The following PDE4A variants were observed in gnomAD, a reference collection of about 807,000 sequenced individuals.
PDE4A encodes the protein 3',5'-cyclic-AMP phosphodiesterase 4A.
PDE4A carries 21 observed loss-of-function variants against 73.9 expected under a neutral mutation model. The observed-to-expected ratio is 0.28, with a 90% CI of 0.20 to 0.41. The LOEUF is 0.41. Among genes scored for constraint, PDE4A ranks in the 10% least tolerant of loss-of-function variants. The pLI is 1.00. For missense variants in PDE4A, 958 were observed against 1,211.4 expected (o/e 0.79, Z 3.10); for synonymous variants, 463 against 505.4 (o/e 0.92, Z 1.13).
chr19:10,463,052 T>C lies in PDE4A; in HGVS notation c.1744-741T>C, dbSNP rs2043300587. 2.6e-5 allele frequency among the ~76,000 whole-genome samples: 4 copies of C among 152,002 alleles called. 1 individual carries two copies. In the South Asian group the frequency reaches 8.3e-4, roughly 32 times the overall value. On this transcript the variant is annotated intron_variant, in intron 13 of 14. Coordinates refer to ENST00000380702, the MANE Select transcript of PDE4A (RefSeq NM_001111307.2). ...TCCTTTCCTTTCCTGTCCTGTCCTG[T>C]CCTGTCCTTTCCTTTCCTTCTTCTT...
At chr19:10,429,513 T>A (rs1378390017) in intron 1 of PDE4A, among the ~76,000 whole-genome samples, 3 of 152,112 alleles carry the variant, frequency 2.0e-5, no homozygotes, top group African/African-American at 7.2e-5. Flanking sequence ...ATTTTTGTCA[T>A]CTTTTGTAGA....
intron 14 of PDE4A, among the ~76,000 whole-genome samples, chr19:10,466,081 C>A (rs1258724295): frequency 1.3e-5 from 2 of 150,120 alleles, no homozygotes; most frequent in Non-Finnish European, 3.0e-5. Flanking sequence ...CGGCTCACTG[C>A]AACTTCCACC....
intron 13 of PDE4A, among the ~76,000 whole-genome samples, chr19:10,463,512 C>T (rs1349573278): frequency 1.3e-5 from 2 of 151,320 alleles, no homozygotes; most frequent in Non-Finnish European, 2.9e-5. Flanking sequence ...AGCAATTCTC[C>T]TGCCTCAGCC....
At chr19:10,417,461 G>T, upstream of PDE4A, 3 of 981,278 alleles carry the variant, frequency 3.1e-6, no homozygotes, top group Admixed American at 6.1e-5. Flanking sequence ...AAAAATTATG[G>T]CTGAGAAGGG....
Position 10,463,810 on chromosome 19 carries a change from G to C in PDE4A, c.1761G>C (p.Val587=), listed in dbSNP as rs1029047191. 1.2e-6 allele frequency: 2 copies of C among 1,614,028 alleles called. No homozygotes were observed. The highest frequency in any genetic ancestry group is 2.7e-5 in the African/African-American group (2 of 74,914). ...CCATGCAGGTCCTCCGGAACATGGT[G>C]CACTGTGCCGACCTCAGCAACCCCA... ...SDRIQVLRNM[V]HCADLSNPTK... is the part of the protein sequence containing the mutation. The change falls in exon 14 of 15, where the codon GTG becomes GTC. Residue 587 remains valine, a synonymous_variant. Transcript: ENST00000380702.
chr19:10,450,002 G>A (rs1199147245), intron 4 of PDE4A, among the ~76,000 whole-genome samples: 1 of 152,190 alleles, frequency 6.6e-6, no homozygotes. Context: ...GGCTAAGGCA[G>A]GAGGATAGTT....
intron 7 of PDE4A, 43 bp from the exon 8 acceptor site, chr19:10,457,836 G>A (rs1364000705): frequency 6.2e-7 from 1 of 1,609,134 alleles, no homozygotes; most frequent in Non-Finnish European, 8.5e-7. Context: ...CTCCAGGGGT[G>A]GAAGGGTTGT....
At chr19:10,425,038 A>G (rs561434999) in intron 1 of PDE4A, among the ~76,000 whole-genome samples, 1 of 152,336 alleles carries the variant, frequency 6.6e-6, no homozygotes, top group Admixed American at 6.5e-5. Flanking sequence ...ATCCTGGCCA[A>G]CATGGTGAAA....
intron 1 of PDE4A, chr19:10,430,804 C>G: frequency 8.3e-6 from 7 of 840,866 alleles, no homozygotes; most frequent in Non-Finnish European, 1.0e-5. Flanking sequence ...GTGGGCGGCG[C>G]AGCTCCCCAG....
chr19:10,417,734 C>G (rs1413191690), upstream of PDE4A: 2 of 1,588,296 alleles, frequency 1.3e-6, no homozygotes, highest in Non-Finnish European at 1.7e-6. Flanking sequence ...GCCGCCGCCT[C>G]TCGTCCGGTC....
At chr19:10,455,045 G>A in intron 7 of PDE4A, 123 bp downstream of exon 7, 2 of 886,042 alleles carry the variant, frequency 2.3e-6, no homozygotes, top group Non-Finnish European at 3.6e-6. Context: ...CTCCCCAAAG[G>A]TCACAGTCAC....
At chr19:10,433,041 A>G (rs993192930) in intron 1 of PDE4A, among the ~76,000 whole-genome samples, 3 of 152,108 alleles carry the variant, frequency 2.0e-5, no homozygotes, top group Non-Finnish European at 2.9e-5. Flanking sequence ...TCTGGGTCTC[A>G]TGGAGGGTGT....
chr19:10,438,603 T>TTTTG (rs1201392592), intron 1 of PDE4A, among the ~76,000 whole-genome samples: 1 of 152,112 alleles, frequency 6.6e-6, no homozygotes, highest in African/African-American at 2.4e-5. Context: ...CATAATGTTT[T>TTTTG]TTTGTTTGTT....
chr19:10,419,166 C>A (rs1228742244), upstream of PDE4A: 3 of 840,716 alleles, frequency 3.6e-6, no homozygotes, highest in Non-Finnish European at 4.1e-6. Context: ...CGCACGGGGG[C>A]AGGGGTCTGG....
chr19:10,456,235 A>G (rs759102808), intron 7 of PDE4A, among the ~76,000 whole-genome samples: 6 of 151,828 alleles, frequency 4.0e-5, no homozygotes, highest in Non-Finnish European at 5.9e-5. Context: ...TACAAAAAAA[A>G]TTAAAAACTA....
At chr19:10,459,189 C>T in intron 8 of PDE4A, 1 of 786,282 alleles carries the variant, frequency 1.3e-6, no homozygotes, top group Non-Finnish European at 2.0e-6. Flanking sequence ...CTTGGCAGAT[C>T]ATAAGTACTC....
rs1331517297 is a variant in PDE4A at position 10,453,572 on chromosome 19, C to G, written c.784-1257C>G. Among the ~76,000 whole-genome samples, 1 of 151,704 alleles carries G rather than the reference C, an allele frequency of 6.6e-6. No homozygotes were observed. The highest frequency in any genetic ancestry group is 1.5e-5 in the Non-Finnish European group (1 of 67,926). ...AGTGCCTGGATGTGTGTGTGTGTGT[C>G]TGCGATGGTGTGTGTCTGCCTGAGT... On this transcript the variant is annotated intron_variant, in intron 6 of 14. Transcript: ENST00000380702. The surrounding 1 kb of genome is among the most constrained non-coding windows in gnomAD (Gnocchi z 4.6).
chr19:10,464,057 C>G, intron 14 of PDE4A, 82 bp downstream of exon 14: 8 of 1,543,274 alleles, frequency 5.2e-6, no homozygotes, highest in Non-Finnish European at 6.2e-6. Flanking sequence ...GGCCCAGGAG[C>G]TCCTCCCCTG....
At chr19:10,436,229 C>T (rs1219220503) in intron 1 of PDE4A, among the ~76,000 whole-genome samples, 5 of 152,172 alleles carry the variant, frequency 3.3e-5, no homozygotes, top group African/African-American at 1.2e-4. Flanking sequence ...AGCCACCAAC[C>T]CCTTGTCTCC....
Sources: gnomAD v4.1 joint callset for allele counts (sites outside exome capture counted in the v4.1 genomes callset) on GRCh38, gnomAD v4.1.1 for gene constraint, Gnocchi (gnomAD v3.1) non-coding constraint, MANE v1.5 for transcripts, NCBI Gene and HGNC (gene_info 2026-07-23, HGNC 2026-07-21) for gene names.